Variants in FGF10 observed in about 807,000 individuals in gnomAD.
FGF10 encodes FGF-10.
In FGF10, 2 loss-of-function variants were observed where a neutral mutation model predicts 19.8. The observed-to-expected ratio is 0.10, with a 90% CI of 0.04 to 0.32. The LOEUF is 0.32. FGF10 is among the 10% of genes least tolerant of loss of function. The pLI, the probability that FGF10 is intolerant of heterozygous loss-of-function variation, is 1.00. For synonymous variants in FGF10, 112 were observed against 94.0 expected, an observed-to-expected ratio of 1.19 and a Z score of -1.10; for missense variants, 191 against 246.3, an observed-to-expected ratio of 0.78 and a Z score of 1.50.
At chr5:44,363,843 C>G (rs1448903430) in intron 1 of FGF10, among the ~76,000 whole-genome samples, 1 of 151,876 alleles carries the variant, frequency 6.6e-6, no homozygotes, top group Non-Finnish European at 1.5e-5. Context: ...TCTCCACATA[C>G]ATTTTCCTTC....
intron 1 of FGF10, among the ~76,000 whole-genome samples, chr5:44,324,876 T>C (rs1187368010): frequency 6.6e-6 from 1 of 152,222 alleles, no homozygotes; most frequent in African/African-American, 2.4e-5. Context: ...AACAGTTTCA[T>C]ACTATTCAAT....
chr5:44,320,712 C>CT (rs55668182), intron 1 of FGF10, among the ~76,000 whole-genome samples: 3 of 151,366 alleles, frequency 2.0e-5, no homozygotes, highest in Non-Finnish European at 2.9e-5. Context: ...TGGAGGTTTT[C>CT]TTTTTTTTTC....
intron 1 of FGF10, among the ~76,000 whole-genome samples, chr5:44,324,632 T>G (rs915865716): frequency 6.6e-6 from 1 of 152,168 alleles, no homozygotes; most frequent in East Asian, 1.9e-4. Context: ...TGTTGTCAGA[T>G]AATTATTAAA....
At chr5:44,320,989 G>A (rs528741368) in intron 1 of FGF10, among the ~76,000 whole-genome samples, 3 of 151,238 alleles carry the variant, frequency 2.0e-5, no homozygotes, top group African/African-American at 7.3e-5. Flanking sequence ...AGTCCATTTT[G>A]AAGTTTTTCA....
In FGF10 at chr5:44,304,734, C is replaced by T. The variant is rs1355599062; in HGVS notation, c.*261G>A. On this transcript the variant is annotated 3_prime_UTR_variant, in exon 3 of 3. Transcript: ENST00000264664. ...TTGACAACAACAACAAAAAACCCAG[C>T]CACAATGTTTTTCACTTGGGAATAA... 22 of 427,990 alleles carry T rather than the reference C, an allele frequency of 5.1e-5. No individual in the cohort carries two copies. In the East Asian group the frequency reaches 8.2e-4, roughly 16 times the overall value. The allele number at this position is 427,990 out of a possible 1,614,324, so 26.5% of individuals were successfully genotyped here.
rs568697081 is a variant in FGF10 at position 44,372,724 on chromosome 5, A to G, written c.325+15634T>C. 1.2e-4 allele frequency among the ~76,000 whole-genome samples: 18 copies of G among 152,326 alleles called. No individual in the cohort carries two copies. In the East Asian group the frequency reaches 2.1e-3, roughly 18 times the overall value. On this transcript the variant is annotated intron_variant, in intron 1 of 2. Coordinates refer to ENST00000264664, the MANE Select transcript of FGF10 (RefSeq NM_004465.2). ...AAAAGTTATCAGTTCCTAAAATGCA[A>G]TGGTAGAACAAGCGTAGTATAACAG...
intron 2 of FGF10, among the ~76,000 whole-genome samples, chr5:44,307,943 C>T (rs1264765658): frequency 6.6e-6 from 1 of 152,174 alleles, no homozygotes; most frequent in Non-Finnish European, 1.5e-5. Flanking sequence ...ATTGGCTGAG[C>T]TTCTACCAGA....
Position 44,302,967 on chromosome 5 carries a change from G to GA in FGF10, c.*2027dup, listed in dbSNP as rs1047672970. Among the ~76,000 whole-genome samples the GA allele has an allele frequency of 2.0e-5, 3 of 151,812 alleles. No homozygotes were observed. Among genetic ancestry groups the GA allele is most frequent in the Non-Finnish European group, 4.4e-5 (3 of 67,946 alleles). ...GTGCAATTATTATTTTAAAATAAAG[G>GA]AAAAAAAGATACCTAGTTTTGATAG... On this transcript the variant is annotated 3_prime_UTR_variant, in exon 3 of 3. Coordinates refer to ENST00000264664, the MANE Select transcript of FGF10 (RefSeq NM_004465.2).
At chr5:44,316,951 T>C (rs1040328251) in intron 1 of FGF10, among the ~76,000 whole-genome samples, 2 of 152,200 alleles carry the variant, frequency 1.3e-5, no homozygotes, top group African/African-American at 4.8e-5. Flanking sequence ...ACACCAAGAA[T>C]TAAAGGACTA....
chr5:44,380,125 G>A (rs568637649), intron 1 of FGF10, among the ~76,000 whole-genome samples: 31 of 152,092 alleles, frequency 2.0e-4, no homozygotes, highest in Admixed American at 1.2e-3. Context: ...CATTATAAAG[G>A]TATCTTACTT....
At chr5:44,322,343 G>T (rs1241693744) in intron 1 of FGF10, among the ~76,000 whole-genome samples, 2 of 152,230 alleles carry the variant, frequency 1.3e-5, no homozygotes, top group Non-Finnish European at 2.9e-5. Context: ...GGGGTGATGA[G>T]TGAACATTGG....
At chr5:44,317,585 T>G (rs889849673) in intron 1 of FGF10, among the ~76,000 whole-genome samples, 1 of 152,162 alleles carries the variant, frequency 6.6e-6, no homozygotes, top group African/African-American at 2.4e-5. Flanking sequence ...AAGATCAATT[T>G]CTTACTGCAT....
At chr5:44,370,829 T>G (rs1402234928) in intron 1 of FGF10, among the ~76,000 whole-genome samples, 2 of 152,084 alleles carry the variant, frequency 1.3e-5, no homozygotes, top group African/African-American at 4.8e-5. Flanking sequence ...TTAATAAATT[T>G]TAGGAGAGTT....
chr5:44,341,123 A>T (rs1034455864), intron 1 of FGF10, among the ~76,000 whole-genome samples: 5 of 152,020 alleles, frequency 3.3e-5, no homozygotes, highest in African/African-American at 1.2e-4. Context: ...TTTGCATATG[A>T]GTTCTAGGTG....
chr5:44,313,019 A>G (rs1212628547), intron 1 of FGF10, among the ~76,000 whole-genome samples: 2 of 152,100 alleles, frequency 1.3e-5, no homozygotes, highest in Non-Finnish European at 2.9e-5. Flanking sequence ...GGAGCACAAT[A>G]TTCAAAGACT....
intron 1 of FGF10, among the ~76,000 whole-genome samples, chr5:44,325,453 C>T (rs955140560): frequency 3.3e-5 from 5 of 151,918 alleles, no homozygotes; most frequent in African/African-American, 1.2e-4. Context: ...TATTGCGGCA[C>T]TATTCACAAT....
At chr5:44,358,155 G>C (rs1741392529) in intron 1 of FGF10, among the ~76,000 whole-genome samples, 1 of 151,486 alleles carries the variant, frequency 6.6e-6, no homozygotes, top group African/African-American at 2.4e-5. Context: ...ATTCTACATG[G>C]CAGAAGTTCC....
At chr5:44,307,290 T>C (rs1007317499) in intron 2 of FGF10, among the ~76,000 whole-genome samples, 9 of 152,116 alleles carry the variant, frequency 5.9e-5, no homozygotes, top group African/African-American at 2.2e-4. Flanking sequence ...CATAAGCAGT[T>C]ATGTATAAAA....
chr5:44,381,680 G>A (rs1194253272), intron 1 of FGF10, among the ~76,000 whole-genome samples: 1 of 152,128 alleles, frequency 6.6e-6, no homozygotes, highest in East Asian at 1.9e-4. Context: ...AAAAGGTTAA[G>A]GATGAAATAA....
Sources: allele counts gnomAD v4.1 joint callset (sites outside exome capture counted in the v4.1 genomes callset), GRCh38; gene constraint gnomAD v4.1.1; transcripts MANE v1.5; gene names NCBI Gene and HGNC (gene_info 2026-07-23, HGNC 2026-07-21).